Variants in PDE1A observed in about 807,000 individuals in gnomAD.
PDE1A encodes the protein dual specificity calcium/calmodulin-dependent 3',5'-cyclic nucleotide phosphodiesterase 1A.
A neutral mutation model predicts 61.7 loss-of-function variants in PDE1A; 35 were observed. That is an observed-to-expected ratio of 0.57 (90% CI 0.43 to 0.75). The LOEUF (loss-of-function observed/expected upper bound fraction) is 0.75. Ranked by LOEUF, PDE1A falls within the 30% of genes least tolerant of loss-of-function variation. The pLI, the probability that PDE1A is intolerant of heterozygous loss-of-function variation, is 0.00. For synonymous variants in PDE1A, 232 were observed against 213.2 expected (o/e 1.09, Z -0.77); for missense variants, 597 against 630.6 (o/e 0.95, Z 0.57).
intron 1 of PDE1A, among the ~76,000 whole-genome samples, chr2:182,333,172 G>A (rs983466218): frequency 7.2e-5 from 11 of 152,084 alleles, no homozygotes; most frequent in South Asian, 2.1e-4. Context: ...ACAGATCAAC[G>A]AGACAGAAAA....
At chr2:182,246,014 T>C (rs77173658) in intron 2 of PDE1A, among the ~76,000 whole-genome samples, 22,813 of 152,246 alleles carry the variant, frequency 0.15, 2,214 homozygotes, top group East Asian at 0.31. Context: ...CTCCCCCTCT[T>C]GCTCCTGACC....
upstream of PDE1A, among the ~76,000 whole-genome samples, chr2:182,428,192 T>C (rs952524760): frequency 1.3e-5 from 2 of 152,298 alleles, no homozygotes; most frequent in African/African-American, 4.8e-5. Context: ...ATTGCAAATA[T>C]GCCGGGCCAC....
In PDE1A at chr2:182,461,293, T is replaced by C. The variant is rs531499040; in HGVS notation, c.101+60983A>G. On this transcript the variant is annotated intron_variant, in intron 2 of 14. Transcript: ENST00000410103. The stretch of plus-strand genomic sequence containing the variant: ...CATGAAATAATATATTGTACAGCCA[T>C]TAAAAAAAATTTGAATACTGTCAAC... 3.9e-5 allele frequency among the ~76,000 whole-genome samples: 6 copies of C among 152,210 alleles called. No homozygotes were observed. In the South Asian group the frequency reaches 1.0e-3, roughly 26 times the overall value.
chr2:182,264,889 A>ATATATATATATATATATG lies in PDE1A; in HGVS notation c.54-476_54-475insCATATATATATATATATA, dbSNP rs1223035626. Among the ~76,000 whole-genome samples, 44 of 140,176 alleles carry ATATATATATATATATATG rather than the reference A, an allele frequency of 3.1e-4. 2 individuals carry two copies. The South Asian group carries it at 3.3e-3, about 11-fold the overall frequency. The allele number at this position is 140,176 out of a possible 152,430, so 92.0% of individuals were successfully genotyped here. On this transcript the variant is annotated intron_variant, in intron 1 of 13. Coordinates refer to ENST00000351439, the Ensembl canonical transcript of PDE1A. Reference sequence around the variant, plus strand: ...GTGGTATATATATACATATATATATATATGTATATATATACACCATGGAAT... The same window carrying ATATATATATATATATATG: ...GTGGTATATATATACATATATATATATATATATATATATATATGTATGTATATATATACACCATGGAAT...
At chr2:182,569,083 T>C in the PDE1A span, among the ~76,000 whole-genome samples, 2 of 151,610 alleles carry the variant, frequency 1.3e-5, no homozygotes, top group South Asian at 2.1e-4. Flanking sequence ...CAAAACCATA[T>C]CTCTAAAAAA....
At chr2:182,506,680 A>T (rs1689433463) in intron 2 of PDE1A, among the ~76,000 whole-genome samples, 1 of 152,222 alleles carries the variant, frequency 6.6e-6, no homozygotes, top group South Asian at 2.1e-4. Flanking sequence ...AGAAATATGT[A>T]GGTGGGGAGG....
the PDE1A span, among the ~76,000 whole-genome samples, chr2:182,686,199 A>C: frequency 6.6e-6 from 1 of 152,138 alleles, no homozygotes; most frequent in Admixed American, 6.6e-5. Context: ...ACAATAACAA[A>C]AATGAAAAAA....
At chr2:182,528,494 A>T in the PDE1A span, among the ~76,000 whole-genome samples, 11 of 152,234 alleles carry the variant, frequency 7.2e-5, no homozygotes, top group Non-Finnish European at 1.6e-4. Flanking sequence ...AAAGTTTGGA[A>T]TATTTGCAGC....
At chr2:182,242,911 T>TCTCTCTCTCC (rs1690654416) in intron 2 of PDE1A, among the ~76,000 whole-genome samples, 3 of 86,894 alleles carry the variant, frequency 3.5e-5, no homozygotes, top group Admixed American at 1.1e-4. Flanking sequence ...TCTCTCTCTC[T>TCTCTCTCTCC]CTCTCTCTCT....
At chr2:182,688,593 A>G in the PDE1A span, among the ~76,000 whole-genome samples, 3 of 152,218 alleles carry the variant, frequency 2.0e-5, no homozygotes, top group African/African-American at 4.8e-5. Context: ...TGTAAAGACC[A>G]TCAAGGCTAG....
the PDE1A span, among the ~76,000 whole-genome samples, chr2:182,595,062 T>C: frequency 6.6e-6 from 1 of 152,154 alleles, no homozygotes; most frequent in South Asian, 2.1e-4. Flanking sequence ...TTTTGTTACT[T>C]TTTTTCTTCT....
rs185496311 is a variant in PDE1A, at chr2:182,367,004, C to A, written c.53+59574G>T. 2.8e-3 allele frequency among the ~76,000 whole-genome samples: 424 copies of A among 152,106 alleles called. 7 individuals are homozygous for A. Among genetic ancestry groups the A allele is most frequent in the East Asian group, 8.9e-3 (46 of 5,184 alleles). ...TACAAACAAAAAGCAAGTGAGATTTCAAGTACTTCTTGACCATCTTTCTTC... is the reference window on the plus strand; with the variant it reads ...TACAAACAAAAAGCAAGTGAGATTTAAAGTACTTCTTGACCATCTTTCTTC... On this transcript the variant is annotated intron_variant, in intron 1 of 13. Coordinates refer to ENST00000351439, the Ensembl canonical transcript of PDE1A.
intron 8 of PDE1A, among the ~76,000 whole-genome samples, chr2:182,205,464 A>G (rs1422124123): frequency 1.3e-5 from 2 of 152,124 alleles, no homozygotes; most frequent in South Asian, 2.1e-4. Context: ...TTGGAGAAAC[A>G]TGTAAGATTT....
intron 2 of PDE1A, among the ~76,000 whole-genome samples, chr2:182,495,944 A>G (rs1281678034): frequency 6.6e-6 from 1 of 152,236 alleles, no homozygotes; most frequent in Non-Finnish European, 1.5e-5. Context: ...AGGCAATATT[A>G]CTTTACAAGG....
chr2:182,573,150 A>G, the PDE1A span, among the ~76,000 whole-genome samples: 1 of 152,124 alleles, frequency 6.6e-6, no homozygotes, highest in Non-Finnish European at 1.5e-5. Context: ...AATACCTGAT[A>G]CCGTTTACAA....
At chr2:182,638,566 C>T in the PDE1A span, among the ~76,000 whole-genome samples, 1 of 152,026 alleles carries the variant, frequency 6.6e-6, no homozygotes, top group Non-Finnish European at 1.5e-5. Flanking sequence ...TTTAGGCATA[C>T]AAAAAGATGG....
the PDE1A span, among the ~76,000 whole-genome samples, chr2:182,554,289 C>T: frequency 6.6e-6 from 1 of 152,126 alleles, no homozygotes; most frequent in Non-Finnish European, 1.5e-5. Context: ...ATTTTAAATC[C>T]ATCTTTGATG....
the PDE1A span, among the ~76,000 whole-genome samples, chr2:182,713,298 C>T: frequency 1.3e-5 from 2 of 152,096 alleles, no homozygotes; most frequent in Admixed American, 6.5e-5. Flanking sequence ...TTACTGAGGG[C>T]AGAGCTATGT....
chr2:182,700,940 C>T, the PDE1A span, among the ~76,000 whole-genome samples: 5 of 151,840 alleles, frequency 3.3e-5, no homozygotes, highest in Non-Finnish European at 7.4e-5. Context: ...AAAAGTAATT[C>T]ATTAAATGCA....
Sources: allele counts gnomAD v4.1 joint callset (sites outside exome capture counted in the v4.1 genomes callset), GRCh38; gene constraint gnomAD v4.1.1; transcripts MANE v1.5; gene names NCBI Gene and HGNC (gene_info 2026-07-23, HGNC 2026-07-21).